ARMC7: variants seen among roughly 807,000 people sequenced by gnomAD.
ARMC7 encodes the protein armadillo repeat containing 7.
A neutral mutation model predicts 14.8 loss-of-function variants in ARMC7; 9 were observed. The ratio of observed to expected loss-of-function variants is 0.61; its 90% CI spans 0.37 to 1.06. The LOEUF (loss-of-function observed/expected upper bound fraction) is 1.06. ARMC7 is among the 50% of genes least tolerant of loss of function. The pLI is 0.01. For missense variants in ARMC7, 262 were observed against 267.1 expected, an observed-to-expected ratio of 0.98 and a Z score of 0.13; for synonymous variants, 125 against 123.4, an observed-to-expected ratio of 1.01 and a Z score of -0.09.
chr17:75,119,967 T>C (rs1194189318), intron 2 of ARMC7, among the ~76,000 whole-genome samples: 4 of 151,750 alleles, frequency 2.6e-5, no homozygotes, highest in Non-Finnish European at 5.9e-5. Flanking sequence ...TGCAGTGGCA[T>C]GATCTGGGCT....
intron 2 of ARMC7, chr17:75,114,479 G>A (rs549750586): frequency 6.6e-5 from 26 of 392,820 alleles, no homozygotes; most frequent in Admixed American, 4.9e-4. Context: ...GACTGAGCCC[G>A]GGTCCTGGAG....
rs2074092251 is a variant in ARMC7 at position 75,130,062 on chromosome 17, C to A, written c.*1024C>A. ...CTCGTGTACCCCCTCAAGGCTGACC[C>A]CTTAGATGGCCCAGGAATGGCAGGT... On this transcript the variant is annotated 3_prime_UTR_variant, in exon 3 of 3. Transcript: ENST00000245543. The A allele has an allele frequency of 5.8e-6, 1 of 173,246 alleles. No homozygotes were observed. Among genetic ancestry groups the A allele is most frequent in the African/African-American group, 2.4e-5 (1 of 41,826 alleles). 10.7% of individuals were successfully genotyped at this position (173,246 alleles called of 1,614,324 possible).
chr17:75,123,379 A>G (rs1346015123), intron 2 of ARMC7, among the ~76,000 whole-genome samples: 2 of 143,086 alleles, frequency 1.4e-5, no homozygotes, highest in Non-Finnish European at 3.0e-5. Context: ...TTTGAGACCG[A>G]GTTTCGCTCT....
intron 2 of ARMC7, among the ~76,000 whole-genome samples, chr17:75,116,789 A>T (rs577098055): frequency 6.6e-6 from 1 of 152,330 alleles, no homozygotes; most frequent in South Asian, 2.1e-4. Flanking sequence ...TTTATCAATA[A>T]GGAAGCTGCG....
At position 75,129,350 on chromosome 17, in the gene ARMC7, C is replaced by CT. The variant is rs1678506959; in HGVS notation, c.*315dup. The CT allele has an allele frequency of 2.3e-6, 1 of 442,634 alleles. No individual in the cohort carries two copies. The highest frequency in any genetic ancestry group is 3.9e-5 in the Admixed American group (1 of 25,332). The allele number at this position is 442,634 out of a possible 1,614,324, so 27.4% of individuals were successfully genotyped here. A position where few individuals can be genotyped will look rare whatever the true frequency, so the allele number is the denominator to read the frequency against. The stretch of plus-strand genomic sequence containing the variant: ...GCGGCCAAGTGCCTGGACCCAGAGG[C>CT]TTTGCAGGACAGTGTTCTCAGGAGC... On this transcript the variant is annotated 3_prime_UTR_variant, in exon 3 of 3. Coordinates refer to ENST00000245543, the MANE Select transcript of ARMC7 (RefSeq NM_024585.4).
chr17:75,120,003 C>G (rs919408041), intron 2 of ARMC7, among the ~76,000 whole-genome samples: 1 of 152,116 alleles, frequency 6.6e-6, no homozygotes, highest in Non-Finnish European at 1.5e-5. Context: ...CTCCCAAGTT[C>G]AAGCCATTCT....
chr17:75,120,462 G>A (rs1262271449), intron 2 of ARMC7, among the ~76,000 whole-genome samples: 1 of 152,116 alleles, frequency 6.6e-6, no homozygotes, highest in Non-Finnish European at 1.5e-5. Context: ...CTTGTGCAGA[G>A]CATGTTCATC....
At position 75,129,167 on chromosome 17, in the gene ARMC7, AGCAGGACAG is replaced by A; in HGVS notation, c.*133_*141del. On this transcript the variant is annotated 3_prime_UTR_variant, in exon 3 of 3. Transcript: ENST00000245543. The stretch of plus-strand genomic sequence containing the variant: ...AGCCATCTGAAAGGCGGGTTCTTTC[AGCAGGACAG>A]GCATTTACACTGATGAAACGCCACT... 7.6e-7 allele frequency: 1 copy of A among 1,317,562 alleles called. No homozygotes were observed. The highest frequency in any genetic ancestry group is 2.5e-5 in the East Asian group (1 of 40,766). 81.6% of individuals were successfully genotyped at this position (1,317,562 alleles called of 1,614,324 possible).
At chr17:75,123,494 C>T (rs187918012) in intron 2 of ARMC7, among the ~76,000 whole-genome samples, 2,195 of 151,712 alleles carry the variant, frequency 0.014, 62 homozygotes, top group African/African-American at 0.05. Context: ...GCTGGGACTA[C>T]AGGTGCCCAC....
At chr17:75,116,620 C>T (rs1256938654) in intron 2 of ARMC7, among the ~76,000 whole-genome samples, 7 of 152,256 alleles carry the variant, frequency 4.6e-5, no homozygotes, top group East Asian at 1.9e-4. Context: ...AGTGAAACTC[C>T]GTCTCAAAAT....
chr17:75,124,638 C>T (rs2145132812), intron 2 of ARMC7, among the ~76,000 whole-genome samples: 1 of 152,068 alleles, frequency 6.6e-6, no homozygotes, highest in Middle Eastern at 3.4e-3. Flanking sequence ...CAGACTGAGC[C>T]TGGCATCTGC....
intron 2 of ARMC7, among the ~76,000 whole-genome samples, chr17:75,124,690 C>T (rs1487077970): frequency 3.9e-5 from 6 of 152,080 alleles, no homozygotes; most frequent in East Asian, 1.9e-4. Flanking sequence ...CAGAGGGCCC[C>T]GCCATTTCCC....
chr17:75,120,841 A>G (rs1242359065), intron 2 of ARMC7, among the ~76,000 whole-genome samples: 1 of 150,504 alleles, frequency 6.6e-6, no homozygotes, highest in East Asian at 1.9e-4. Flanking sequence ...AAAAGATTGC[A>G]GTATGATCAA....
chr17:75,109,998 C>G lies in ARMC7; in HGVS notation c.-291C>G. 2.8e-6 allele frequency: 1 copy of G among 351,880 alleles called. No homozygotes were observed. The allele number at this position is 351,880 out of a possible 1,614,324, so 21.8% of individuals were successfully genotyped here. On this transcript the variant is annotated 5_prime_UTR_variant, in exon 1 of 3. Transcript: ENST00000245543. This position sits in a 1 kb window ranked among gnomAD's most constrained non-coding sequence, Gnocchi z 5.0. ...CCGAGCCCAGGAGCCGGGGACGGTG[C>G]GCCAGTGCCCCCTCCGCGAGCCCCA... is the stretch of plus-strand genomic sequence containing the variant.
intron 2 of ARMC7, among the ~76,000 whole-genome samples, chr17:75,123,032 CT>C (rs34863483): frequency 0.011 from 1,507 of 135,896 alleles, 20 homozygotes; most frequent in African/African-American, 0.031. Context: ...TCTTTGGACA[CT>C]TTTTTTTTTT....
In ARMC7 at chr17:75,128,991, GC is replaced by G; in HGVS notation, c.553del (p.Leu185TrpfsTer65). ...AEARSRQAHSALGIPLPRSVA... is the reference protein window; with the variant it reads ...AEARSRQAHSXLGIPLPRSVA... ...GGCCCGCAGCCGGCAGGCGCACTCT[GC>G]CCTGGGTATCCCACTGCCGAGGAGC... On this transcript the variant is annotated frameshift_variant, in exon 3 of 3. Coordinates refer to ENST00000245543, the MANE Select transcript of ARMC7 (RefSeq NM_024585.4). LOFTEE classifies it high-confidence loss of function. 6.2e-7 allele frequency: 1 copy of G among 1,600,996 alleles called. No individual in the cohort carries two copies. The highest frequency in any genetic ancestry group is 8.5e-7 in the Non-Finnish European group (1 of 1,179,636).
Position 75,110,604 on chromosome 17 carries a change from T to C in ARMC7, c.233T>C (p.Ile78Thr), listed in dbSNP as rs533720840. 2.5e-6 allele frequency: 4 copies of C among 1,614,236 alleles called. No individual in the cohort carries two copies. The highest frequency in any genetic ancestry group is 3.4e-6 in the Non-Finnish European group (4 of 1,180,034). The change falls in exon 2 of 3, where the codon ATT becomes ACT. Residue 78 changes from isoleucine (I) to threonine (T), a missense_variant and splice_region_variant. Coordinates refer to ENST00000245543, the MANE Select transcript of ARMC7 (RefSeq NM_024585.4). ...EENETLVEFA[I>T]GGLCNLCPDR... The stretch of plus-strand genomic sequence containing the variant: ...AATGAGACCCTGGTGGAGTTTGCTA[T>C]TGGTAAGGGCGGGGCCCGTTCCCTA...
chr17:75,120,683 G>A (rs972232473), intron 2 of ARMC7, among the ~76,000 whole-genome samples: 3 of 151,698 alleles, frequency 2.0e-5, no homozygotes, highest in Non-Finnish European at 4.4e-5. Flanking sequence ...GCATGGTGGC[G>A]GGCACCTGTA....
rs138198182 is a variant in ARMC7, at chr17:75,120,151, C to G, written c.236-8526C>G. 1.7e-4 allele frequency among the ~76,000 whole-genome samples: 26 copies of G among 151,806 alleles called. 1 individual carries two copies. In the East Asian group the frequency reaches 4.7e-3, roughly 28 times the overall value. On this transcript the variant is annotated intron_variant, in intron 2 of 2. Transcript: ENST00000245543. Reference sequence around the variant, plus strand: ...AACTCCTGACCTCAGGTGATCCACCCTCGGCCTCCCAAAGTGCTGGGATTA... The same window carrying G: ...AACTCCTGACCTCAGGTGATCCACCGTCGGCCTCCCAAAGTGCTGGGATTA...
Sources: gnomAD v4.1 joint callset for allele counts (sites outside exome capture counted in the v4.1 genomes callset) on GRCh38, gnomAD v4.1.1 for gene constraint, Gnocchi (gnomAD v3.1) non-coding constraint, MANE v1.5 for transcripts, NCBI Gene and HGNC (gene_info 2026-07-23, HGNC 2026-07-21) for gene names.